AKAP9: variants seen among roughly 807,000 people sequenced by gnomAD.
The protein encoded by AKAP9 is A-kinase anchor protein 9.
A neutral mutation model predicts 488.5 loss-of-function variants in AKAP9; 311 were observed. The observed-to-expected ratio is 0.64, with a 90% CI of 0.58 to 0.70. The LOEUF is 0.70. Among genes scored for constraint, AKAP9 ranks in the 30% least tolerant of loss-of-function variants. The probability of loss-of-function intolerance (pLI) is 0.00; values close to 1 mark genes in which losing one functional copy is unlikely to be tolerated. For missense variants in AKAP9, 4,215 were observed against 4,374.5 expected (o/e 0.96, Z 1.03); for synonymous variants, 1,462 against 1,483.5 (o/e 0.99, Z 0.33).
Position 92,086,305 on chromosome 7 carries a change from C to T in AKAP9, c.9102C>T (p.Phe3034=), listed in dbSNP as rs1290861696. 1.2e-6 allele frequency: 2 copies of T among 1,614,092 alleles called. No individual in the cohort carries two copies. The highest frequency in any genetic ancestry group is 1.7e-6 in the Non-Finnish European group (2 of 1,180,010). ...GELLLALQQV[F]LEERSVLLAA... is the part of the protein sequence containing the mutation. ...TACTGCTTGCCCTTCAACAAGTTTT[C>T]TTAGAAGAGCGTAGTGTTTTACTAG... Residue 3034 remains phenylalanine (F), a synonymous_variant, in exon 37 of 50, where the codon TTC becomes TTT. Transcript: ENST00000356239.
At chr7:92,082,421 G>T in intron 31 of AKAP9, 101 bp from the exon 32 acceptor site, 1 of 1,272,866 alleles carries the variant, frequency 7.9e-7, no homozygotes, top group Admixed American at 1.9e-5. Context: ...ATATCTGTAG[G>T]CAGTCATTCC....
At chr7:92,049,603 T>C (rs536215030) in intron 21 of AKAP9, among the ~76,000 whole-genome samples, 1,600 of 151,950 alleles carry the variant, frequency 0.011, 24 homozygotes, top group African/African-American at 0.037. Flanking sequence ...AGAGTGAGAC[T>C]CCATCTCAAA....
intron 1 of AKAP9, among the ~76,000 whole-genome samples, chr7:91,956,886 A>G (rs1476210176): frequency 6.6e-6 from 1 of 152,180 alleles, no homozygotes; most frequent in Non-Finnish European, 1.5e-5. Context: ...ACTGTTAAAA[A>G]ATTTTGATGC....
At chr7:92,045,996 G>A (rs533770290) in intron 21 of AKAP9, among the ~76,000 whole-genome samples, 1 of 152,086 alleles carries the variant, frequency 6.6e-6, no homozygotes, top group Non-Finnish European at 1.5e-5. Flanking sequence ...ACCATGCCCA[G>A]CTAATTTTTG....
chr7:92,070,739 T>G (rs1260492093), intron 27 of AKAP9, among the ~76,000 whole-genome samples, 166 bp from the exon 28 acceptor site: 1 of 151,270 alleles, frequency 6.6e-6, no homozygotes, highest in Non-Finnish European at 1.5e-5. Flanking sequence ...CCGGCCAACT[T>G]TTTTATTATT....
At chr7:92,040,019 T>G (rs1384203896) in intron 17 of AKAP9, among the ~76,000 whole-genome samples, 1 of 152,040 alleles carries the variant, frequency 6.6e-6, no homozygotes, top group Non-Finnish European at 1.5e-5. Flanking sequence ...AATGCAAAAC[T>G]TGTTAGGTGT....
At chr7:91,942,713 A>T (rs1790927140) in intron 1 of AKAP9, among the ~76,000 whole-genome samples, 1 of 152,204 alleles carries the variant, frequency 6.6e-6, no homozygotes, top group South Asian at 2.1e-4. Context: ...GATTTATTTA[A>T]ATTGCTTGCA....
At chr7:92,082,770 A>G in intron 32 of AKAP9, 108 bp downstream of exon 32, 1 of 1,265,880 alleles carries the variant, frequency 7.9e-7, no homozygotes, top group Non-Finnish European at 1.1e-6. Context: ...TAAAAGCTAG[A>G]TAAAAAGTAT....
chr7:92,108,442 A>T lies in AKAP9; in HGVS notation c.11547-52A>T, dbSNP rs1208747649. The T allele has an allele frequency of 1.9e-6, 3 of 1,597,064 alleles. No individual in the cohort carries two copies. In the Admixed American group the frequency reaches 5.0e-5, roughly 27 times the overall value. On this transcript the variant is annotated intron_variant, in intron 48 of 49. Transcript: ENST00000356239. ...GGGAGTGGAGGCAGGTTGGTAACTT[A>T]TATGCATATTTCTGGATAACTTGAT...
intron 38 of AKAP9, chr7:92,089,828 C>A (rs1815242589): frequency 5.0e-6 from 1 of 200,330 alleles, no homozygotes; most frequent in Non-Finnish European, 1.0e-5. Context: ...TCTTTCCAAT[C>A]ATAAAACAGA....
Position 92,102,931 on chromosome 7 carries a change from A to T in AKAP9, c.11330+105A>T, listed in dbSNP as rs145114321. On this transcript the variant is annotated intron_variant, in intron 46 of 49. Transcript: ENST00000356239. ...TGCTGGTTATACTCTATATTTATAT[A>T]GTAGGAGGTATGTGCCATCACTGAA... 2.2e-4 allele frequency: 227 copies of T among 1,041,302 alleles called. 1 individual carries two copies. In the East Asian group the frequency reaches 5.1e-3, roughly 24 times the overall value. 64.5% of individuals were successfully genotyped at this position (1,041,302 alleles called of 1,614,324 possible).
chr7:91,975,868 T>G (rs955489852), intron 2 of AKAP9, among the ~76,000 whole-genome samples: 28 of 151,518 alleles, frequency 1.8e-4, no homozygotes, highest in Non-Finnish European at 4.4e-5. Flanking sequence ...AATGTTGAGG[T>G]TTTTTTGTTT....
At chr7:92,034,201 T>A (rs112646616) in intron 16 of AKAP9, among the ~76,000 whole-genome samples, 7 of 152,030 alleles carry the variant, frequency 4.6e-5, no homozygotes, top group African/African-American at 1.7e-4. Context: ...AAAAGAAAGG[T>A]CAAAAATTAC....
chr7:92,107,207 T>C, intron 47 of AKAP9, 86 bp from the exon 48 acceptor site: 1 of 1,309,566 alleles, frequency 7.6e-7, no homozygotes, highest in Non-Finnish European at 1.1e-6. Context: ...TATAATAGTC[T>C]TTTGAGCAGT....
intron 40 of AKAP9, among the ~76,000 whole-genome samples, chr7:92,095,721 T>C (rs892852960): frequency 6.6e-6 from 1 of 152,174 alleles, no homozygotes; most frequent in African/African-American, 2.4e-5. Flanking sequence ...TCAGAGCTCT[T>C]CTAGCCACGT....
At chr7:92,089,691 T>G (rs1253791112) in intron 38 of AKAP9, 162 bp downstream of exon 38, 3 of 813,126 alleles carry the variant, frequency 3.7e-6, no homozygotes, top group Non-Finnish European at 5.8e-6. Flanking sequence ...CTCTAGGGGT[T>G]AGAGGATTGT....
chr7:92,080,255 A>G, intron 31 of AKAP9, 103 bp downstream of exon 31: 1 of 950,236 alleles, frequency 1.1e-6, no homozygotes, highest in South Asian at 1.8e-5. Context: ...CAATTTATAC[A>G]AGAAGGTTTT....
chr7:92,089,689 G>T, intron 38 of AKAP9, 160 bp downstream of exon 38: 2 of 826,630 alleles, frequency 2.4e-6, no homozygotes, highest in Non-Finnish European at 3.8e-6. Context: ...TACTCTAGGG[G>T]TTAGAGGATT....
Position 92,079,074 on chromosome 7 carries a change from A to T in AKAP9, c.6946-5A>T, listed in dbSNP as rs1446704941. ...ATGTATGTTACCTTTTTCATTAATT[A>T]TTAGGTTATTGAAGAAAAAAATGAA... On this transcript the variant is annotated splice_polypyrimidine_tract_variant and splice_region_variant and intron_variant, in intron 30 of 49. Coordinates refer to ENST00000356239, the MANE Select transcript of AKAP9 (RefSeq NM_005751.5). 6.4e-7 allele frequency: 1 copy of T among 1,571,006 alleles called. No homozygotes were observed. Among genetic ancestry groups the T allele is most frequent in the Non-Finnish European group, 8.7e-7 (1 of 1,153,504 alleles).
Sources: allele counts gnomAD v4.1 joint callset (sites outside exome capture counted in the v4.1 genomes callset), GRCh38; gene constraint gnomAD v4.1.1; transcripts MANE v1.5; gene names NCBI Gene and HGNC (gene_info 2026-07-23, HGNC 2026-07-21).